CREB5: variants seen among roughly 807,000 people sequenced by gnomAD.
CREB5 encodes the protein cyclic AMP-responsive element-binding protein 5.
CREB5 carries 19 observed loss-of-function variants against 57.1 expected under a neutral mutation model. The ratio of observed to expected loss-of-function variants is 0.33; its 90% confidence interval spans 0.23 to 0.49. CREB5 has a LOEUF of 0.49. Ranked by LOEUF, CREB5 falls within the 20% of genes least tolerant of loss-of-function variation. The probability of loss-of-function intolerance (pLI) is 0.99; values close to 1 mark genes in which losing one functional copy is unlikely to be tolerated. For missense variants in CREB5, 579 were observed against 671.6 expected (o/e 0.86, Z 1.52); for synonymous variants, 238 against 238.3 (o/e 1.00, Z 0.01).
chr7:28,444,591 G>A (rs1013762801), intron 1 of CREB5, among the ~76,000 whole-genome samples: 2 of 152,196 alleles, frequency 1.3e-5, no homozygotes, highest in African/African-American at 4.8e-5. Flanking sequence ...CAGAGGAGAA[G>A]CTGTGTTTTA....
chr7:28,513,022 G>A (rs1792779965), intron 4 of CREB5, among the ~76,000 whole-genome samples: 1 of 152,182 alleles, frequency 6.6e-6, no homozygotes, highest in Non-Finnish European at 1.5e-5. Context: ...AACAGGGCAT[G>A]GTGGGGTCAG....
chr7:28,724,361 T>G (rs372839226), intron 7 of CREB5, 29 bp downstream of exon 7: 67 of 1,569,678 alleles, frequency 4.3e-5, no homozygotes, highest in African/African-American at 6.8e-5. Flanking sequence ...CACCCTTTCA[T>G]TATTCTGTGA....
At position 28,560,967 on chromosome 7, in the gene CREB5, T is replaced by TGCGTGC. The variant is rs1355662930; in HGVS notation, c.292-9397_292-9396insCGTGCG. On this transcript the variant is annotated intron_variant, in intron 4 of 10. Transcript: ENST00000357727. ...GTGTGTGTGCGTGTGTGTGCGTGTG[T>TGCGTGC]GTGTGCGTGTGTGCGTGCGTGTGTG... 2.3e-4 allele frequency among the ~76,000 whole-genome samples: 7 copies of TGCGTGC among 30,382 alleles called. 1 individual carries two copies. Among genetic ancestry groups the TGCGTGC allele is most frequent in the Non-Finnish European group, 4.8e-4 (6 of 12,586 alleles). 19.9% of individuals were successfully genotyped at this position (30,382 alleles called of 152,430 possible). A position where few individuals can be genotyped will look rare whatever the true frequency, so the allele number is the denominator to read the frequency against.
chr7:28,376,282 T>G (rs1786822948), intron 1 of CREB5, among the ~76,000 whole-genome samples: 1 of 151,168 alleles, frequency 6.6e-6, no homozygotes, highest in African/African-American at 2.4e-5. Context: ...TTTTTTTTTT[T>G]TTTTTTTGAG....
chr7:28,321,025 A>G (rs1785486232), intron 1 of CREB5, among the ~76,000 whole-genome samples: 1 of 152,194 alleles, frequency 6.6e-6, no homozygotes, highest in Non-Finnish European at 1.5e-5. Flanking sequence ...CCCTGGGCAA[A>G]TTACCTGACC....
At chr7:28,556,615 G>A (rs1254592162) in intron 4 of CREB5, among the ~76,000 whole-genome samples, 3 of 152,024 alleles carry the variant, frequency 2.0e-5, no homozygotes, top group Non-Finnish European at 4.4e-5. Context: ...TGGATATACT[G>A]GTGATAAAAT....
At chr7:28,385,804 C>A (rs1045668201) in intron 1 of CREB5, among the ~76,000 whole-genome samples, 1 of 151,896 alleles carries the variant, frequency 6.6e-6, no homozygotes, top group African/African-American at 2.4e-5. Context: ...AGAATGTTAG[C>A]ACCACATGGT....
rs563072078 is a variant in CREB5 at position 28,605,875 on chromosome 7, G to T, written c.464+35338G>T. On this transcript the variant is annotated intron_variant, in intron 5 of 10. Transcript: ENST00000357727. ...GCAGATCAGTTGAGCCTGGGAAGGG[G>T]GACTGGCTGCCAAAAGGCAGGAGAG... Among the ~76,000 whole-genome samples, 4 of 152,240 alleles carry T rather than the reference G, an allele frequency of 2.6e-5. No homozygotes were observed. The East Asian group carries it at 7.7e-4, about 29-fold the overall frequency.
At chr7:28,659,180 TA>T (rs1201735936) in intron 5 of CREB5, among the ~76,000 whole-genome samples, 1 of 151,826 alleles carries the variant, frequency 6.6e-6, no homozygotes, top group African/African-American at 2.4e-5. Context: ...TCTTATTTAT[TA>T]GGGATGCCTG....
intron 1 of CREB5, among the ~76,000 whole-genome samples, chr7:28,366,881 C>T (rs374347097): frequency 4.6e-5 from 7 of 152,266 alleles, no homozygotes; most frequent in African/African-American, 1.7e-4. Flanking sequence ...AGATTTGGGA[C>T]AGATGCAAGT....
At chr7:28,567,762 A>G (rs142094076) in intron 4 of CREB5, among the ~76,000 whole-genome samples, 46 of 152,318 alleles carry the variant, frequency 3.0e-4, no homozygotes, top group African/African-American at 1.1e-3. Context: ...CAGCATGGTT[A>G]GTACGAGGGT....
upstream of CREB5, chr7:28,409,357 A>G (rs1450877195): frequency 6.5e-6 from 1 of 152,760 alleles, no homozygotes; most frequent in African/African-American, 2.4e-5. This position sits in a 1 kb window ranked among gnomAD's most constrained non-coding sequence, Gnocchi z 4.4. Flanking sequence ...AATGTATTGT[A>G]ATCTTTGCTC....
At chr7:28,333,660 G>T (rs763646467) in intron 1 of CREB5, among the ~76,000 whole-genome samples, 19 of 152,058 alleles carry the variant, frequency 1.2e-4, no homozygotes, top group Non-Finnish European at 2.8e-4. Flanking sequence ...TGTCTTCTGT[G>T]CCTGGCTTAT....
chr7:28,591,364 G>T (rs1224171938), intron 5 of CREB5, among the ~76,000 whole-genome samples: 1 of 152,158 alleles, frequency 6.6e-6, no homozygotes, highest in South Asian at 2.1e-4. Flanking sequence ...TCAGCCACAG[G>T]TTCAATTGAT....
chr7:28,396,090 C>T lies in CREB5; in HGVS notation c.-25+96649C>T, dbSNP rs564591766. Reference sequence around the variant, plus strand: ...CTGAAACATTTGCAAATGAGCATGACGACTGAGATTTTTCTTTCTTTGTAG... The same window carrying T: ...CTGAAACATTTGCAAATGAGCATGATGACTGAGATTTTTCTTTCTTTGTAG... On this transcript the variant is annotated intron_variant, in intron 1 of 9. Transcript: ENST00000396299. 9.2e-5 allele frequency among the ~76,000 whole-genome samples: 14 copies of T among 152,278 alleles called. 2 individuals are homozygous for T. The South Asian group carries it at 1.5e-3, about 16-fold the overall frequency.
chr7:28,494,209 A>G (rs1435958250), intron 2 of CREB5, among the ~76,000 whole-genome samples: 1 of 152,190 alleles, frequency 6.6e-6, no homozygotes, highest in East Asian at 1.9e-4. Context: ...ATTCACTTTC[A>G]TGTTTTGCAC....
At chr7:28,347,688 C>A (rs1366663011) in intron 1 of CREB5, among the ~76,000 whole-genome samples, 1 of 152,160 alleles carries the variant, frequency 6.6e-6, no homozygotes, top group Non-Finnish European at 1.5e-5. Context: ...GCAATAGCTT[C>A]AATTTCACTT....
At chr7:28,599,607 T>C (rs1370858505) in intron 5 of CREB5, among the ~76,000 whole-genome samples, 1 of 152,212 alleles carries the variant, frequency 6.6e-6, no homozygotes, top group African/African-American at 2.4e-5. Flanking sequence ...TGCGCCCCTA[T>C]GTGTATAATA....
intron 7 of CREB5, among the ~76,000 whole-genome samples, chr7:28,768,248 T>C (rs1405557720): frequency 1.3e-5 from 2 of 152,016 alleles, no homozygotes; most frequent in Non-Finnish European, 2.9e-5. Flanking sequence ...AAAAGACTCT[T>C]GTGGAAAGTA....
Sources: gnomAD v4.1 joint callset for allele counts (sites outside exome capture counted in the v4.1 genomes callset) on GRCh38, gnomAD v4.1.1 for gene constraint, Gnocchi (gnomAD v3.1) non-coding constraint, MANE v1.5 for transcripts, NCBI Gene and HGNC (gene_info 2026-07-23, HGNC 2026-07-21) for gene names.